The following MGAT5B variants were observed in gnomAD, a reference collection of about 807,000 sequenced individuals.
MGAT5B encodes N-acetylglucosaminyl-transferase Vb.
MGAT5B carries 54 observed loss-of-function variants against 95.1 expected under a neutral mutation model. The ratio of observed to expected loss-of-function variants is 0.57; its 90% CI spans 0.46 to 0.71. The LOEUF (loss-of-function observed/expected upper bound fraction) is 0.71, where lower values mean the gene tolerates loss of function less well. Ranked by LOEUF, MGAT5B falls within the 30% of genes least tolerant of loss-of-function variation. The pLI, the probability that MGAT5B is intolerant of heterozygous loss-of-function variation, is 0.00. For missense variants in MGAT5B, 935 were observed against 1,088.6 expected (o/e 0.86, Z 1.99); for synonymous variants, 464 against 451.0 (o/e 1.03, Z -0.36).
rs573235769 is a variant in MGAT5B, at chr17:76,940,208, G to T, written c.1585-194G>T. On this transcript the variant is annotated intron_variant, in intron 13 of 17. Transcript: ENST00000569840. This position sits in a 1 kb window ranked among gnomAD's most constrained non-coding sequence, Gnocchi z 4.3. ...GCCCAGAGAGGGGAAGTGCTTGCCC[G>T]TGGCACAAGATGTTCTGGGCTGGCT... Among the ~76,000 whole-genome samples, 1 of 152,162 alleles carries T rather than the reference G, an allele frequency of 6.6e-6. No homozygotes were observed. The highest frequency in any genetic ancestry group is 6.5e-5 in the Admixed American group (1 of 15,286).
Position 76,902,657 on chromosome 17 carries a change from C to T in MGAT5B, c.432C>T (p.Leu144=). 3.8e-6 allele frequency: 6 copies of T among 1,589,754 alleles called. No homozygotes were observed. Among genetic ancestry groups the T allele is most frequent in the Non-Finnish European group, 4.3e-6 (5 of 1,167,286 alleles). ...KVDQILRHSL[L]LHSKVSEGRR... Reference sequence around the variant, plus strand: ...ACCAGATCCTGCGCCACAGTCTGCTCCTGCACAGCAAGGGTGGGTGCCAGG... The same window carrying T: ...ACCAGATCCTGCGCCACAGTCTGCTTCTGCACAGCAAGGGTGGGTGCCAGG... The change falls in exon 4 of 18, where the codon CTC becomes CTT. Residue 144 remains leucine, a synonymous_variant. Coordinates refer to ENST00000569840, the MANE Select transcript of MGAT5B (RefSeq NM_001199172.2).
chr17:76,895,604 G>T (rs62084715), intron 3 of MGAT5B, among the ~76,000 whole-genome samples: 11,424 of 152,148 alleles, frequency 0.075, 693 homozygotes, highest in Admixed American at 0.18. Context: ...CACAATTTGA[G>T]TCTTCACATG....
rs117253677 is a variant in MGAT5B, at chr17:76,933,332, C to T, written c.1428+35C>T. On this transcript the variant is annotated intron_variant, in intron 12 of 17. Transcript: ENST00000569840. Reference sequence around the variant, plus strand: ...CCGCTTGCCGCCTGCCCCCTCTACCCTCTGCTCCCTTCCCCTCTCCAGCAG... The same window carrying T: ...CCGCTTGCCGCCTGCCCCCTCTACCTTCTGCTCCCTTCCCCTCTCCAGCAG... 927 of 1,597,956 alleles carry T rather than the reference C, an allele frequency of 5.8e-4. 4 individuals are homozygous for T. Among genetic ancestry groups the T allele is most frequent in the Middle Eastern group, 4.1e-3 (25 of 6,056 alleles).
chr17:76,880,004 A>G (rs1967348963), intron 2 of MGAT5B, among the ~76,000 whole-genome samples: 1 of 151,988 alleles, frequency 6.6e-6, no homozygotes, highest in Non-Finnish European at 1.5e-5. Flanking sequence ...CTAGTATGAA[A>G]TTTCCCGGTC....
chr17:76,937,336 G>T (rs1415676763), intron 12 of MGAT5B, among the ~76,000 whole-genome samples: 1 of 152,176 alleles, frequency 6.6e-6, no homozygotes, highest in Non-Finnish European at 1.5e-5. Context: ...TGAGAGGATG[G>T]ATGGATAGAT....
chr17:76,914,551 G>A lies in MGAT5B; in HGVS notation c.1025+8364G>A, dbSNP rs915267971. ...GCCTCTCCCCTGTCTTCTGGTAGCC[G>A]CAGGTGTTCTTAGAGGGGTAGATGG... is the stretch of plus-strand genomic sequence containing the variant. On this transcript the variant is annotated intron_variant, in intron 8 of 17. Coordinates refer to ENST00000569840, the MANE Select transcript of MGAT5B (RefSeq NM_001199172.2). The surrounding 1 kb of genome is among the most constrained non-coding windows in gnomAD (Gnocchi z 5.1). Among the ~76,000 whole-genome samples, 6 of 152,224 alleles carry A rather than the reference G, an allele frequency of 3.9e-5. No individual in the cohort carries two copies. The highest frequency in any genetic ancestry group is 5.9e-5 in the Non-Finnish European group (4 of 68,016).
chr17:76,873,299 A>T (rs1967071639), intron 2 of MGAT5B, among the ~76,000 whole-genome samples: 1 of 152,212 alleles, frequency 6.6e-6, no homozygotes, highest in Admixed American at 6.5e-5. Context: ...CTTGAGGCAC[A>T]CATTTCCTTG....
At chr17:76,898,950 G>A (rs2145176747) in intron 3 of MGAT5B, among the ~76,000 whole-genome samples, 1 of 152,352 alleles carries the variant, frequency 6.6e-6, no homozygotes, top group South Asian at 2.1e-4. Flanking sequence ...ACACAGGAAA[G>A]CCAAGTCCCT....
rs921153658 is a variant in MGAT5B at position 76,916,359 on chromosome 17, C to T, written c.1026-8607C>T. Among the ~76,000 whole-genome samples, 61 of 152,350 alleles carry T rather than the reference C, an allele frequency of 4.0e-4. No homozygotes were observed. The highest frequency in any genetic ancestry group is 1.4e-3 in the African/African-American group (58 of 41,580). On this transcript the variant is annotated intron_variant, in intron 8 of 17. Coordinates refer to ENST00000569840, the MANE Select transcript of MGAT5B (RefSeq NM_001199172.2). The surrounding 1 kb of genome is among the most constrained non-coding windows in gnomAD (Gnocchi z 5.3). ...ACCAATAAGCAAGACCGATGGAGGC[C>T]GTGCCGTGTCGCCTTTCCCAGCTCT...
At position 76,948,095 on chromosome 17, in the gene MGAT5B, T is replaced by C. The variant is rs565431949; in HGVS notation, c.2180+9T>C. 10 of 1,562,140 alleles carry C rather than the reference T, an allele frequency of 6.4e-6. No homozygotes were observed. The East Asian group carries it at 6.8e-5, about 11-fold the overall frequency. ...CAGGACGCCTTCCTCAAGTGAGTGTTCCCCCACCCTCCCCACCCAGCCGCT... is the reference window on the plus strand; with the variant it reads ...CAGGACGCCTTCCTCAAGTGAGTGTCCCCCCACCCTCCCCACCCAGCCGCT... On this transcript the variant is annotated intron_variant, in intron 17 of 17. Coordinates refer to ENST00000569840, the MANE Select transcript of MGAT5B (RefSeq NM_001199172.2).
intron 1 of MGAT5B, among the ~76,000 whole-genome samples, chr17:76,871,843 A>G (rs148747876): frequency 2.0e-4 from 30 of 152,336 alleles, no homozygotes; most frequent in African/African-American, 7.0e-4. Context: ...TCAAGTTCCC[A>G]GAAGAGCCCC....
chr17:76,880,984 A>G (rs1830235511), intron 2 of MGAT5B, among the ~76,000 whole-genome samples: 1 of 152,080 alleles, frequency 6.6e-6, no homozygotes, highest in South Asian at 2.1e-4. Flanking sequence ...GGAGCATCGA[A>G]GGTTCATGTT....
At chr17:76,904,109 G>A (rs2145190271) in intron 5 of MGAT5B, 143 bp from the exon 6 acceptor site, 2 of 819,988 alleles carry the variant, frequency 2.4e-6, no homozygotes, top group East Asian at 2.7e-5. Context: ...TCTCTTCTCT[G>A]CCCTGTCCCC....
chr17:76,940,561 C>T lies in MGAT5B; in HGVS notation c.1731+13C>T. 1 of 1,600,934 alleles carries T rather than the reference C, an allele frequency of 6.2e-7. No individual in the cohort carries two copies. Among genetic ancestry groups the T allele is most frequent in the Non-Finnish European group, 8.5e-7 (1 of 1,170,990 alleles). ...CACCTCCAGAGAGGTGAGTGGAAAG[C>T]ATCCTGGTCCCCGATCAGGAGGGGC... On this transcript the variant is annotated intron_variant, in intron 14 of 17. Transcript: ENST00000569840. This position sits in a 1 kb window ranked among gnomAD's most constrained non-coding sequence, Gnocchi z 4.3.
chr17:76,943,843 G>C (rs1969945912), intron 15 of MGAT5B: 1 of 152,262 alleles, frequency 6.6e-6, no homozygotes, highest in African/African-American at 2.4e-5. Flanking sequence ...AAGTCATGTG[G>C]CCTTTTACAG....
In MGAT5B at chr17:76,917,691, C is replaced by T. The variant is rs1355465496; in HGVS notation, c.1026-7275C>T. On this transcript the variant is annotated intron_variant, in intron 8 of 17. Transcript: ENST00000569840. The surrounding 1 kb of genome is among the most constrained non-coding windows in gnomAD (Gnocchi z 6.1). Reference sequence around the variant, plus strand: ...TGGGATTGACAGCGGAGTCTTACCCCAAGGTCCCTGCACAGGTTGGTTCTC... The same window carrying T: ...TGGGATTGACAGCGGAGTCTTACCCTAAGGTCCCTGCACAGGTTGGTTCTC... Among the ~76,000 whole-genome samples, 2 of 152,096 alleles carry T rather than the reference C, an allele frequency of 1.3e-5. No homozygotes were observed. Among genetic ancestry groups the T allele is most frequent in the African/African-American group, 4.8e-5 (2 of 41,426 alleles).
intron 3 of MGAT5B, among the ~76,000 whole-genome samples, chr17:76,902,351 AT>A (rs1240460175): frequency 6.6e-6 from 1 of 152,138 alleles, no homozygotes; most frequent in Non-Finnish European, 1.5e-5. Flanking sequence ...TATGTCTGTA[AT>A]GTGTGTACTG....
intron 16 of MGAT5B, among the ~76,000 whole-genome samples, chr17:76,946,710 G>A (rs1970041565): frequency 6.6e-6 from 1 of 152,262 alleles, no homozygotes; most frequent in Non-Finnish European, 1.5e-5. Context: ...GGCACTAACA[G>A]AAACACAAAG....
In MGAT5B at chr17:76,887,531, CT is replaced by C. The variant is rs1967698673; in HGVS notation, c.329+5235del. Among the ~76,000 whole-genome samples, 7 of 46,718 alleles carry C rather than the reference CT, an allele frequency of 1.5e-4. No individual in the cohort carries two copies. The South Asian group carries it at 7.0e-3, about 47-fold the overall frequency. The allele number at this position is 46,718 out of a possible 152,430, so 30.6% of individuals were successfully genotyped here. A position where few individuals can be genotyped will look rare whatever the true frequency, so the allele number is the denominator to read the frequency against. ...CCTCCCTCCCTCCCTCCCTCCCTCCCTTCCTTCCTTCCTTTCTTTTTTCTTT... is the reference window on the plus strand; with the variant it reads ...CCTCCCTCCCTCCCTCCCTCCCTCCCTCCTTCCTTCCTTTCTTTTTTCTTT... On this transcript the variant is annotated intron_variant, in intron 3 of 17. Coordinates refer to ENST00000569840, the MANE Select transcript of MGAT5B (RefSeq NM_001199172.2).
Sources: allele counts gnomAD v4.1 joint callset (sites outside exome capture counted in the v4.1 genomes callset), GRCh38; gene constraint gnomAD v4.1.1; non-coding constraint Gnocchi (gnomAD v3.1); transcripts MANE v1.5; gene names NCBI Gene and HGNC (gene_info 2026-07-23, HGNC 2026-07-21).